STARD9: variants seen among roughly 807,000 people sequenced by gnomAD.
STARD9 encodes stAR-related lipid transfer protein 9.
A neutral mutation model predicts 399.8 loss-of-function variants in STARD9; 346 were observed. The ratio of observed to expected loss-of-function variants is 0.87; its 90% CI spans 0.79 to 0.95. The LOEUF (loss-of-function observed/expected upper bound fraction) is 0.95, where lower values mean the gene tolerates loss of function less well. Among genes scored for constraint, STARD9 ranks in the 40% least tolerant of loss-of-function variants. STARD9 has a pLI of 0.00. For synonymous variants in STARD9, 2,203 were observed against 2,143.5 expected, an observed-to-expected ratio of 1.03 and a Z score of -0.77; for missense variants, 5,832 against 5,667.5, an observed-to-expected ratio of 1.03 and a Z score of -0.93.
In STARD9 at chr15:42,690,664, A is replaced by G. The variant is rs547550289; in HGVS notation, c.9086A>G (p.Asp3029Gly). 1.2e-4 allele frequency: 186 copies of G among 1,537,200 alleles called. 1 individual carries two copies. In the Admixed American group the frequency reaches 3.6e-3, roughly 29 times the overall value. Reference sequence around the variant, plus strand: ...TTGACACATGGCCTTGAGCCCAAAGATGTTAACAGGGAATTTAGGCTAACA... The same window carrying G: ...TTGACACATGGCCTTGAGCCCAAAGGTGTTAACAGGGAATTTAGGCTAACA... ...VHLTHGLEPK[D>G]VNREFRLTES... The change falls in exon 23 of 33, where the codon GAT becomes GGT. Residue 3029 changes from aspartate (D) to glycine (G), a missense_variant. This residue lies in a region of STARD9 where 5,828 missense variants were observed against 5,651.1 expected (regional missense o/e 1.03). Transcript: ENST00000290607.
Position 42,682,372 on chromosome 15 carries a change from G to T in STARD9, c.2334G>T (p.Lys778Asn). 2.6e-6 allele frequency: 4 copies of T among 1,537,266 alleles called. No individual in the cohort carries two copies. Among genetic ancestry groups the T allele is most frequent in the Non-Finnish European group, 3.5e-6 (4 of 1,146,906 alleles). ...VSFQLERIIK[K>N]QRLLEAQKRL... Reference sequence around the variant, plus strand: ...TCCAGCTAGAGAGAATCATCAAAAAGCAGAGGCTGCTGGAGGCCCAGAAGA... The same window carrying T: ...TCCAGCTAGAGAGAATCATCAAAAATCAGAGGCTGCTGGAGGCCCAGAAGA... Residue 778 changes from lysine (K) to asparagine (N), a missense_variant, in exon 22 of 33, where the codon AAG (lysine) becomes AAT (asparagine). By Grantham distance (94) the Lys-to-Asn change is moderately conservative. Coordinates refer to ENST00000290607, the MANE Select transcript of STARD9 (RefSeq NM_020759.3).
chr15:42,718,757 C>G lies in STARD9; in HGVS notation c.13848C>G (p.His4616Gln), dbSNP rs2061397634. The G allele has an allele frequency of 2.0e-6, 3 of 1,537,228 alleles. No homozygotes were observed. The highest frequency in any genetic ancestry group is 2.7e-5 in the African/African-American group (2 of 73,136). The change falls in exon 32 of 33, where the codon CAC becomes CAG. Residue 4616 changes from histidine (H) to glutamine (Q), a missense_variant. This residue lies in a region of STARD9 where 5,828 missense variants were observed against 5,651.1 expected (regional missense o/e 1.03). Transcript: ENST00000290607. ...CCATTTCCCTCTGTCCCCAGGGTCA[C>G]CTGTCTGTCATGGCAGCCCAGTCTG... ...CCVCVEAKEG[H>Q]LSVMAAQSVY...
At chr15:42,619,234 C>T (rs1481571289) in intron 3 of STARD9, among the ~76,000 whole-genome samples, 1 of 152,126 alleles carries the variant, frequency 6.6e-6, no homozygotes, top group Non-Finnish European at 1.5e-5. Flanking sequence ...AAGTGCTGCC[C>T]CTTTGTATTC....
intron 7 of STARD9, among the ~76,000 whole-genome samples, chr15:42,645,699 C>G (rs1028751133): frequency 6.6e-6 from 1 of 152,002 alleles, no homozygotes; most frequent in African/African-American, 2.4e-5. Context: ...CGCTACCATA[C>G]CTGGCTAATT....
At chr15:42,710,824 C>T (rs959304489) in intron 26 of STARD9, among the ~76,000 whole-genome samples, 3 of 152,142 alleles carry the variant, frequency 2.0e-5, no homozygotes, top group Non-Finnish European at 4.4e-5. Context: ...GGGTTACCAG[C>T]AATCCTTGGC....
chr15:42,682,029 G>C, intron 21 of STARD9, 75 bp from the exon 22 acceptor site: 1 of 981,418 alleles, frequency 1.0e-6, no homozygotes, highest in South Asian at 1.6e-5. Context: ...GCCATGGCTG[G>C]AGGTATCTGA....
At chr15:42,576,594 G>A (rs1419722842) in intron 1 of STARD9, among the ~76,000 whole-genome samples, 2 of 152,198 alleles carry the variant, frequency 1.3e-5, no homozygotes, top group Non-Finnish European at 2.9e-5. Flanking sequence ...TTGGTGTGGA[G>A]GGAAGTGAGT....
chr15:42,586,752 C>T (rs2058284740), intron 3 of STARD9, among the ~76,000 whole-genome samples: 1 of 152,106 alleles, frequency 6.6e-6, no homozygotes, highest in Admixed American at 6.6e-5. Flanking sequence ...TTTGGGGAAA[C>T]CTGGACAGTC....
chr15:42,715,547 C>G (rs904530851), intron 26 of STARD9, among the ~76,000 whole-genome samples: 1 of 146,586 alleles, frequency 6.8e-6, no homozygotes, highest in Non-Finnish European at 1.5e-5. Flanking sequence ...GAGATGGAGT[C>G]TCTCTCTGTT....
At chr15:42,648,267 A>G (rs1263551564) in intron 7 of STARD9, among the ~76,000 whole-genome samples, 1 of 152,136 alleles carries the variant, frequency 6.6e-6, no homozygotes, top group Non-Finnish European at 1.5e-5. Context: ...GGTTTGAGCA[A>G]TTCTCCTGCC....
intron 1 of STARD9, among the ~76,000 whole-genome samples, chr15:42,576,619 C>G (rs1263800934): frequency 6.6e-6 from 1 of 152,048 alleles, no homozygotes; most frequent in Non-Finnish European, 1.5e-5. Context: ...GAAGGTAAAT[C>G]TGGCAGAGGG....
intron 7 of STARD9, among the ~76,000 whole-genome samples, chr15:42,649,375 T>G (rs1478179949): frequency 6.6e-6 from 1 of 152,200 alleles, no homozygotes; most frequent in East Asian, 1.9e-4. Context: ...ATTTTGAGTA[T>G]GTTTCTGATC....
In STARD9 at chr15:42,615,574, C is replaced by A. The variant is rs530096164; in HGVS notation, c.235-19282C>A. Among the ~76,000 whole-genome samples, 54 of 150,072 alleles carry A rather than the reference C, an allele frequency of 3.6e-4. 1 individual carries two copies. The South Asian group carries it at 0.011, about 30-fold the overall frequency. ...ATATATATATGGGTTATATATAAAA[C>A]CCATATTATATATATATAAAAATGT... On this transcript the variant is annotated intron_variant, in intron 3 of 32. Transcript: ENST00000290607.
At chr15:42,700,639 TG>T (rs998472289) in intron 26 of STARD9, among the ~76,000 whole-genome samples, 1 of 152,224 alleles carries the variant, frequency 6.6e-6, no homozygotes, top group Non-Finnish European at 1.5e-5. Flanking sequence ...TGGGATTTTT[TG>T]CTATTATTTG....
intron 9 of STARD9, 114 bp downstream of exon 9, chr15:42,652,706 C>CA (rs2141996277): frequency 2.1e-6 from 2 of 960,208 alleles, no homozygotes; most frequent in East Asian, 2.6e-5. Context: ...GACAGGGTCT[C>CA]AGTCTGTTGC....
At chr15:42,659,518 T>A (rs1345218171) in intron 9 of STARD9, among the ~76,000 whole-genome samples, 1 of 152,016 alleles carries the variant, frequency 6.6e-6, no homozygotes, top group African/African-American at 2.4e-5. Context: ...CAGGGTTTTC[T>A]TTGTTTGTTT....
rs2060629717 is a variant in STARD9, at chr15:42,689,125, G to C, written c.7547G>C (p.Gly2516Ala). 7.2e-6 allele frequency: 11 copies of C among 1,537,200 alleles called. No homozygotes were observed. Among genetic ancestry groups the C allele is most frequent in the Non-Finnish European group, 8.7e-6 (10 of 1,146,938 alleles). Residue 2516 changes from glycine to alanine, a missense_variant, in exon 23 of 33, where the codon GGA (glycine) becomes GCA (alanine). Coordinates refer to ENST00000290607, the MANE Select transcript of STARD9 (RefSeq NM_020759.3). Reference protein sequence around the residue: ...QKAEKETEDVGLTSGVSLAPV... With the variant: ...QKAEKETEDVALTSGVSLAPV... ...GCAGAGAAGGAGACTGAGGACGTCGGACTGACCAGCGGTGTTTCCTTAGCA... is the reference window on the plus strand; with the variant it reads ...GCAGAGAAGGAGACTGAGGACGTCGCACTGACCAGCGGTGTTTCCTTAGCA...
chr15:42,701,291 G>C (rs776514720), intron 26 of STARD9, among the ~76,000 whole-genome samples: 1 of 152,148 alleles, frequency 6.6e-6, no homozygotes, highest in African/African-American at 2.4e-5. Flanking sequence ...AATGTTATTC[G>C]TATTTTGATA....
intron 26 of STARD9, among the ~76,000 whole-genome samples, chr15:42,699,392 C>CTTTTTTTTTTTCTTTTTTTT (rs2060912499): frequency 1.8e-5 from 2 of 113,280 alleles, no homozygotes; most frequent in African/African-American, 8.2e-5. Context: ...TTTTTCTTTT[C>CTTTTTTTTTTTCTTTTTTTT]TTTTTTTTTT....
Sources: allele counts gnomAD v4.1 joint callset (sites outside exome capture counted in the v4.1 genomes callset), GRCh38; gene constraint gnomAD v4.1.1; regional missense constraint gnomAD v4.1.1; transcripts MANE v1.5; gene names NCBI Gene and HGNC (gene_info 2026-07-23, HGNC 2026-07-21).